VPS13A: variants seen among roughly 807,000 people sequenced by gnomAD.
VPS13A encodes the protein intermembrane lipid transfer protein VPS13A.
A neutral mutation model predicts 390.9 loss-of-function variants in VPS13A; 264 were observed. That is an observed-to-expected ratio of 0.68 (90% CI 0.61 to 0.75). VPS13A has a LOEUF of 0.75. Ranked by LOEUF, VPS13A falls within the 30% of genes least tolerant of loss-of-function variation. The probability of loss-of-function intolerance (pLI) is 0.00; values close to 1 mark genes in which losing one functional copy is unlikely to be tolerated. For missense variants in VPS13A, 3,409 were observed against 3,733.9 expected (o/e 0.91, Z 2.27); for synonymous variants, 1,231 against 1,227.1 (o/e 1.00, Z -0.07).
intron 19 of VPS13A, among the ~76,000 whole-genome samples, chr9:77,238,966 A>G (rs1824308473): frequency 6.6e-6 from 1 of 152,154 alleles, no homozygotes; most frequent in Non-Finnish European, 1.5e-5. Flanking sequence ...ATTAAAAAAA[A>G]TGTTCCTCAT....
chr9:77,256,518 G>T (rs1825454151), intron 22 of VPS13A, among the ~76,000 whole-genome samples: 1 of 151,966 alleles, frequency 6.6e-6, no homozygotes, highest in African/African-American at 2.4e-5. Flanking sequence ...CAATTTTATT[G>T]GTCCAGTCCC....
intron 24 of VPS13A, among the ~76,000 whole-genome samples, chr9:77,273,664 G>A (rs566358256): frequency 1.3e-5 from 2 of 152,264 alleles, no homozygotes; most frequent in Non-Finnish European, 2.9e-5. Context: ...GAGGTTTTGG[G>A]CTTCAGGGAT....
intron 23 of VPS13A, among the ~76,000 whole-genome samples, chr9:77,266,860 G>A (rs999031825): frequency 4.6e-5 from 7 of 151,722 alleles, no homozygotes; most frequent in Admixed American, 6.6e-5. Flanking sequence ...TTGTTTGTTC[G>A]TTTTCATTCT....
intron 23 of VPS13A, 52 bp downstream of exon 23, chr9:77,260,276 T>A: frequency 6.3e-7 from 1 of 1,577,808 alleles, no homozygotes; most frequent in South Asian, 1.1e-5. Context: ...AGTCCACAAA[T>A]AGTATTTCAA....
chr9:77,321,267 A>T lies in VPS13A; in HGVS notation c.5514A>T (p.Lys1838Asn), dbSNP rs1829727919. Residue 1838 changes from lysine (K) to asparagine (N), a missense_variant, in exon 43 of 72, where the codon AAA becomes AAT. Physicochemically the swap from Lys to Asn is moderately conservative, Grantham distance 94. This residue lies in a region of VPS13A where 2,717 missense variants were observed against 2,917.4 expected (regional missense o/e 0.93). Transcript: ENST00000360280. ...EYKTVISFHS[K>N]DQLNITLSKC... The stretch of plus-strand genomic sequence containing the variant: ...AAACTGTCATCAGTTTCCATTCAAA[A>T]GACCAATTAAACATTACATTATCCA... The T allele has an allele frequency of 6.2e-7, 1 of 1,611,278 alleles. No individual in the cohort carries two copies. Among genetic ancestry groups the T allele is most frequent in the Non-Finnish European group, 8.5e-7 (1 of 1,178,292 alleles).
Position 77,282,208 on chromosome 9 carries a change from G to T in VPS13A, c.3052G>T (p.Glu1018Ter). 1 of 1,613,410 alleles carries T rather than the reference G, an allele frequency of 6.2e-7. No individual in the cohort carries two copies. Reference sequence around the variant, plus strand: ...TCTTCATAATATCCTTCCGCAATCAGAGGAAAAATCAGCCCCAGTGTCCAC... The same window carrying T: ...TCTTCATAATATCCTTCCGCAATCATAGGAAAAATCAGCCCCAGTGTCCAC... ...NYLHNILPQS[E>*]EKSAPVSTTE... The change falls in exon 29 of 72, where the codon GAG becomes TAG. Residue 1018 changes from glutamate to a stop codon, truncating the protein, a stop_gained. Coordinates refer to ENST00000360280, the MANE Select transcript of VPS13A (RefSeq NM_033305.3). LOFTEE classifies it high-confidence loss of function.
At chr9:77,192,068 T>G (rs1168286677) in intron 1 of VPS13A, among the ~76,000 whole-genome samples, 1 of 152,212 alleles carries the variant, frequency 6.6e-6, no homozygotes, top group Non-Finnish European at 1.5e-5. Flanking sequence ...TAAGTCTTCT[T>G]GTTGAATTCA....
intron 67 of VPS13A, among the ~76,000 whole-genome samples, chr9:77,380,685 C>T (rs1833380486): frequency 6.6e-6 from 1 of 152,208 alleles, no homozygotes; most frequent in Non-Finnish European, 1.5e-5. Context: ...TAGCGGTCCC[C>T]AGCCTTTTAG....
At chr9:77,317,166 A>G (rs571995154) in intron 39 of VPS13A, among the ~76,000 whole-genome samples, 4 of 152,068 alleles carry the variant, frequency 2.6e-5, no homozygotes, top group African/African-American at 9.6e-5. Flanking sequence ...AGGATATAAG[A>G]TAAACTGTTG....
chr9:77,407,053 T>C (rs1400190676), intron 70 of VPS13A, among the ~76,000 whole-genome samples: 1 of 152,186 alleles, frequency 6.6e-6, no homozygotes, highest in Admixed American at 6.5e-5. Flanking sequence ...ACTGTATGAC[T>C]GGTTTAAAAT....
intron 53 of VPS13A, 94 bp from the exon 54 acceptor site, chr9:77,353,315 T>C: frequency 1.0e-6 from 1 of 963,014 alleles, no homozygotes; most frequent in Non-Finnish European, 1.6e-6. Flanking sequence ...CCATTAATAG[T>C]CTCATTTTAT....
chr9:77,200,574 A>G (rs1589986765), intron 2 of VPS13A, among the ~76,000 whole-genome samples: 1 of 152,034 alleles, frequency 6.6e-6, no homozygotes. Context: ...TTTTTTTTTT[A>G]AGACAGGCTC....
At chr9:77,358,242 C>A in intron 56 of VPS13A, 115 bp from the exon 57 acceptor site, 2 of 901,490 alleles carry the variant, frequency 2.2e-6, no homozygotes, top group Non-Finnish European at 3.5e-6. Context: ...AGGCGTGAGC[C>A]ACCGTGCTTG....
intron 1 of VPS13A, among the ~76,000 whole-genome samples, chr9:77,187,304 T>C (rs1018734322): frequency 2.6e-5 from 4 of 152,220 alleles, no homozygotes; most frequent in African/African-American, 9.6e-5. Context: ...TGAGGAATTA[T>C]CATACTACTT....
intron 45 of VPS13A, among the ~76,000 whole-genome samples, chr9:77,329,346 C>G (rs111265798): frequency 1.5e-4 from 23 of 152,332 alleles, no homozygotes; most frequent in African/African-American, 5.5e-4. Context: ...ACCTTTTAGC[C>G]TATCTCTGGT....
At chr9:77,382,707 T>C (rs1462562614) in intron 68 of VPS13A, 1 of 988,662 alleles carries the variant, frequency 1.0e-6, no homozygotes, top group Non-Finnish European at 1.2e-6. Flanking sequence ...TTGAAAATGC[T>C]TAAATGGCCA....
At chr9:77,284,876 A>G (rs752375275) in intron 31 of VPS13A, among the ~76,000 whole-genome samples, 3 of 151,478 alleles carry the variant, frequency 2.0e-5, no homozygotes, top group Non-Finnish European at 2.9e-5. Flanking sequence ...ACTAATTTTT[A>G]TATTTTTAGT....
chr9:77,368,591 G>A (rs1209372238), intron 62 of VPS13A, among the ~76,000 whole-genome samples: 1 of 152,052 alleles, frequency 6.6e-6, no homozygotes, highest in Non-Finnish European at 1.5e-5. Flanking sequence ...TATAGCTGTG[G>A]TATGACAGAT....
At position 77,250,228 on chromosome 9, in the gene VPS13A, T is replaced by A; in HGVS notation, c.2169T>A (p.Val723=). ...GTGTACAGCTGCTTTACAGTAGAGT[T>A]GGTGAGTATAAAATGCATTATTTGT... ...LTSVQLLYSR[V]GDNWREARKL... Residue 723 remains valine (V), a splice_region_variant and synonymous_variant, in exon 21 of 72, where the codon GTT becomes GTA. Coordinates refer to ENST00000360280, the MANE Select transcript of VPS13A (RefSeq NM_033305.3). The A allele has an allele frequency of 6.2e-7, 1 of 1,613,236 alleles. No homozygotes were observed. Among genetic ancestry groups the A allele is most frequent in the Non-Finnish European group, 8.5e-7 (1 of 1,179,830 alleles).
Sources: allele counts gnomAD v4.1 joint callset (sites outside exome capture counted in the v4.1 genomes callset), GRCh38; gene constraint gnomAD v4.1.1; regional missense constraint gnomAD v4.1.1; transcripts MANE v1.5; gene names NCBI Gene and HGNC (gene_info 2026-07-23, HGNC 2026-07-21).